The following CAMK1D variants were observed in gnomAD, a reference collection of about 807,000 sequenced individuals.
The protein encoded by CAMK1D is calcium/calmodulin dependent protein kinase ID, also known as calcium/calmodulin-dependent protein kinase type 1D.
A neutral mutation model predicts 47.7 loss-of-function variants in CAMK1D; 9 were observed. The observed-to-expected ratio is 0.19, with a 90% CI of 0.11 to 0.33. The LOEUF (loss-of-function observed/expected upper bound fraction) is 0.33. CAMK1D is among the 10% of genes least tolerant of loss of function. The pLI, the probability that CAMK1D is intolerant of heterozygous loss-of-function variation, is 1.00. For missense variants in CAMK1D, 291 were observed against 488.7 expected (o/e 0.60, Z 3.81); for synonymous variants, 184 against 184.9 (o/e 0.99, Z 0.04).
At chr10:12,603,147 A>T (rs948722533) in intron 2 of CAMK1D, among the ~76,000 whole-genome samples, 4 of 151,806 alleles carry the variant, frequency 2.6e-5, no homozygotes, top group African/African-American at 9.7e-5. Flanking sequence ...ACGACTTCAG[A>T]TGATCCACCT....
intron 1 of CAMK1D, among the ~76,000 whole-genome samples, chr10:12,453,343 C>G (rs945744833): frequency 3.9e-5 from 6 of 152,044 alleles, no homozygotes; most frequent in South Asian, 2.1e-4. Context: ...GCGCCTGCCA[C>G]CACGCCCGGC....
chr10:12,619,160 A>G (rs940041311), intron 2 of CAMK1D, among the ~76,000 whole-genome samples: 2 of 152,214 alleles, frequency 1.3e-5, no homozygotes, highest in African/African-American at 4.8e-5. Flanking sequence ...TAAGTAGTTT[A>G]AGTACTTTAT....
chr10:12,527,490 G>A (rs1489755838), intron 1 of CAMK1D, among the ~76,000 whole-genome samples: 1 of 151,856 alleles, frequency 6.6e-6, no homozygotes, highest in African/African-American at 2.4e-5. Flanking sequence ...GAGTAACTGG[G>A]ACTATAGGCA....
rs367919756 is a variant in CAMK1D at position 12,732,670 on chromosome 10, G to GCC, written c.300-28271_300-28270dup. ...GGGCCCCCATTATTCAATTACCCCCGCCCCCCCCGCCCCCTGTCCCTCCCA... is the reference window on the plus strand; with the variant it reads ...GGGCCCCCATTATTCAATTACCCCCGCCCCCCCCCCGCCCCCTGTCCCTCCCA... On this transcript the variant is annotated intron_variant, in intron 3 of 10. Coordinates refer to ENST00000619168, the MANE Select transcript of CAMK1D (RefSeq NM_153498.4). Among the ~76,000 whole-genome samples, 452 of 71,762 alleles carry GCC rather than the reference G, an allele frequency of 6.3e-3. 6 individuals are homozygous for GCC. The highest frequency in any genetic ancestry group is 0.019 in the African/African-American group (414 of 22,342). 47.1% of individuals were successfully genotyped at this position (71,762 alleles called of 152,430 possible).
chr10:12,795,032 G>T (rs1433520561), intron 6 of CAMK1D, among the ~76,000 whole-genome samples: 2 of 152,182 alleles, frequency 1.3e-5, no homozygotes, highest in Non-Finnish European at 2.9e-5. Flanking sequence ...AATAAATGCT[G>T]GTTGTTGACA....
At chr10:12,803,662 A>G (rs1411675701) in intron 6 of CAMK1D, among the ~76,000 whole-genome samples, 1 of 152,090 alleles carries the variant, frequency 6.6e-6, no homozygotes, top group Non-Finnish European at 1.5e-5. Flanking sequence ...CTCAAAAATA[A>G]TAATAATAAT....
At chr10:12,541,887 C>CTTCCTTCCTTCCTTCCTTCCT (rs769998585) in intron 1 of CAMK1D, among the ~76,000 whole-genome samples, 1 of 126,882 alleles carries the variant, frequency 7.9e-6, no homozygotes, top group East Asian at 2.2e-4. Flanking sequence ...TCCTTCCTTC[C>CTTCCTTCCTTCCTTCCTTCCT]TTTTTTTTTT....
intron 1 of CAMK1D, among the ~76,000 whole-genome samples, chr10:12,438,776 G>A (rs1832702332): frequency 6.6e-6 from 1 of 152,190 alleles, no homozygotes; most frequent in South Asian, 2.1e-4. Context: ...TCTCCTTAGA[G>A]GAAACCTTTG....
chr10:12,498,290 A>G (rs1041979659), intron 1 of CAMK1D, among the ~76,000 whole-genome samples: 1 of 152,238 alleles, frequency 6.6e-6, no homozygotes, highest in East Asian at 1.9e-4. Context: ...AAACTCTCCA[A>G]ACCCTGGACC....
intron 1 of CAMK1D, among the ~76,000 whole-genome samples, chr10:12,535,653 C>T (rs1835946077): frequency 6.6e-6 from 1 of 152,202 alleles, no homozygotes; most frequent in Admixed American, 6.5e-5. Flanking sequence ...TGAAAATTCC[C>T]ACTCCTGAAA....
intron 1 of CAMK1D, among the ~76,000 whole-genome samples, chr10:12,362,060 A>T (rs1837681144): frequency 6.6e-6 from 1 of 152,098 alleles, no homozygotes; most frequent in Non-Finnish European, 1.5e-5. Context: ...AAAACAAAAG[A>T]CAAAAAACAA....
intron 5 of CAMK1D, among the ~76,000 whole-genome samples, chr10:12,789,303 C>A (rs557778676): frequency 3.3e-5 from 5 of 152,230 alleles, no homozygotes; most frequent in African/African-American, 1.2e-4. Flanking sequence ...TCCACTGTGG[C>A]CCAGGGAAAC....
intron 2 of CAMK1D, among the ~76,000 whole-genome samples, chr10:12,638,881 C>G (rs1320358388): frequency 6.6e-6 from 1 of 152,118 alleles, no homozygotes; most frequent in Non-Finnish European, 1.5e-5. Flanking sequence ...CTCCGTAGTC[C>G]CCGTTGGTGT....
At chr10:12,635,407 G>A (rs1175906969) in intron 2 of CAMK1D, among the ~76,000 whole-genome samples, 3 of 152,218 alleles carry the variant, frequency 2.0e-5, no homozygotes, top group Admixed American at 6.5e-5. Context: ...AGATGTCACC[G>A]ATGGGAATAG....
chr10:12,472,327 T>C (rs1009709548), intron 1 of CAMK1D, among the ~76,000 whole-genome samples: 6 of 152,154 alleles, frequency 3.9e-5, no homozygotes, highest in African/African-American at 1.4e-4. Context: ...TCCCATATTC[T>C]GCTTGCTCTT....
intron 3 of CAMK1D, among the ~76,000 whole-genome samples, chr10:12,707,226 T>G (rs1253412835): frequency 1.3e-5 from 2 of 152,230 alleles, no homozygotes; most frequent in East Asian, 3.8e-4. Flanking sequence ...TTAATTCCAG[T>G]TATTCAGCGT....
At chr10:12,773,314 G>T (rs903181459) in intron 5 of CAMK1D, among the ~76,000 whole-genome samples, 2 of 152,160 alleles carry the variant, frequency 1.3e-5, no homozygotes, top group Admixed American at 1.3e-4. Flanking sequence ...CAGGGGCTGG[G>T]TTCCAAGATA....
chr10:12,671,595 T>TTGGAGATATGTATATATATATATA (rs1168545140), intron 3 of CAMK1D, among the ~76,000 whole-genome samples: 2 of 151,766 alleles, frequency 1.3e-5, no homozygotes, highest in East Asian at 1.9e-4. Flanking sequence ...CATATCTTCT[T>TTGGAGATATGTATATATATATATA]TGGAGATATG....
chr10:12,429,234 C>A (rs542127483), intron 1 of CAMK1D, among the ~76,000 whole-genome samples: 1 of 152,174 alleles, frequency 6.6e-6, no homozygotes. Context: ...CCTTCTCCCC[C>A]ACTCTTCTTT....
Sources: allele counts gnomAD v4.1 joint callset (sites outside exome capture counted in the v4.1 genomes callset), GRCh38; gene constraint gnomAD v4.1.1; transcripts MANE v1.5; gene names NCBI Gene and HGNC (gene_info 2026-07-23, HGNC 2026-07-21).